The following WNK1 variants were observed in gnomAD, a reference collection of about 807,000 sequenced individuals.
WNK1 encodes WNK lysine deficient protein kinase 1.
Under a neutral mutation model 222.8 loss-of-function variants are expected in WNK1, and 38 were observed. The observed-to-expected ratio is 0.17, with a 90% CI of 0.13 to 0.22. WNK1 has a LOEUF of 0.22. Ranked by LOEUF, WNK1 falls within the 10% of genes least tolerant of loss-of-function variation. WNK1 has a pLI of 1.00. For missense variants in WNK1, 2,348 were observed against 2,918.4 expected, an observed-to-expected ratio of 0.80 and a Z score of 4.50; for synonymous variants, 1,090 against 1,092.9, an observed-to-expected ratio of 1.00 and a Z score of 0.05.
At chr12:792,513 A>G (rs998917525) in intron 1 of WNK1, among the ~76,000 whole-genome samples, 1 of 151,616 alleles carries the variant, frequency 6.6e-6, no homozygotes, top group African/African-American at 2.4e-5. Context: ...GTGGGGTTTC[A>G]CCATGTTGGC....
chr12:893,405 G>T (rs972492162), intron 22 of WNK1, among the ~76,000 whole-genome samples: 4 of 152,146 alleles, frequency 2.6e-5, no homozygotes, highest in Admixed American at 6.5e-5. Context: ...TGATCTCAAA[G>T]ATATAGAATT....
intron 6 of WNK1, 58 bp downstream of exon 6, chr12:859,522 A>G (rs1565531605): frequency 2.2e-6 from 3 of 1,384,158 alleles, no homozygotes; most frequent in Non-Finnish European, 3.0e-6. Flanking sequence ...CAATACTATC[A>G]TTAAGCAAAA....
At chr12:813,495 A>G in intron 1 of WNK1, 147 bp from the exon 2 acceptor site, 1 of 798,174 alleles carries the variant, frequency 1.3e-6, no homozygotes, top group Non-Finnish European at 2.0e-6. Flanking sequence ...AATGTATATA[A>G]TCCAAATCTA....
rs1565485685 is a variant in WNK1 at position 827,526 on chromosome 12, GT to G, written c.1153+266del. On this transcript the variant is annotated intron_variant, in intron 3 of 27. Transcript: ENST00000315939. This position sits in a 1 kb window ranked among gnomAD's most constrained non-coding sequence, Gnocchi z 4.6. Reference sequence around the variant, plus strand: ...ACCTAATGTAATAGCCTTTTTTGTTGTTGTTGTTGTTGTTGTTGTTGAGATG... The same window carrying G: ...ACCTAATGTAATAGCCTTTTTTGTTGTGTTGTTGTTGTTGTTGTTGAGATG... 1.1e-5 allele frequency: 5 copies of G among 465,636 alleles called. No individual in the cohort carries two copies. The highest frequency in any genetic ancestry group is 9.8e-5 in the African/African-American group (5 of 51,068). The allele number at this position is 465,636 out of a possible 1,614,324, so 28.8% of individuals were successfully genotyped here. A position where few individuals can be genotyped will look rare whatever the true frequency, so the allele number is the denominator to read the frequency against.
At chr12:813,127 T>A (rs979133115) in intron 1 of WNK1, among the ~76,000 whole-genome samples, 1 of 152,108 alleles carries the variant, frequency 6.6e-6, no homozygotes, top group South Asian at 2.1e-4. Context: ...CTAGCTACTC[T>A]GGAGGCTGAG....
intron 8 of WNK1, chr12:865,403 A>G: frequency 1.3e-6 from 2 of 1,515,674 alleles, no homozygotes; most frequent in Non-Finnish European, 1.8e-6. Context: ...AACAATTATT[A>G]CCAATGAATA....
At chr12:899,221 G>A (rs188447658) in intron 25 of WNK1, among the ~76,000 whole-genome samples, 4 of 152,274 alleles carry the variant, frequency 2.6e-5, no homozygotes, top group Admixed American at 2.6e-4. Context: ...AGCACATTAG[G>A]GCCAGTTCAT....
intron 1 of WNK1, among the ~76,000 whole-genome samples, chr12:784,086 T>C (rs113087148): frequency 0.024 from 2,347 of 98,666 alleles, no homozygotes; most frequent in Middle Eastern, 0.19. Flanking sequence ...CCAGGCACAG[T>C]GGCATGTGCC....
At chr12:877,000 GAA>G (rs1377971890) in intron 9 of WNK1, among the ~76,000 whole-genome samples, 1 of 137,254 alleles carries the variant, frequency 7.3e-6, no homozygotes, top group Non-Finnish European at 1.6e-5. Flanking sequence ...TTGTATTAAA[GAA>G]AAAATATAAA....
chr12:843,303 C>T (rs1467376398), intron 4 of WNK1, among the ~76,000 whole-genome samples: 1 of 151,994 alleles, frequency 6.6e-6, no homozygotes, highest in East Asian at 1.9e-4. Context: ...TATTGAGGAC[C>T]CCAAAGAGCT....
chr12:864,971 CA>C (rs11441896), intron 8 of WNK1: 184 of 997,616 alleles, frequency 1.8e-4, no homozygotes, highest in Middle Eastern at 2.6e-4. Context: ...TAGCTCTCCT[CA>C]AAAAAAAAAC....
chr12:799,729 G>C (rs1945691916), intron 1 of WNK1, among the ~76,000 whole-genome samples: 1 of 152,094 alleles, frequency 6.6e-6, no homozygotes, highest in African/African-American at 2.4e-5. Flanking sequence ...CTGTTGCCCA[G>C]GCTGGAGTGC....
At chr12:857,832 C>T (rs1487803506) in intron 5 of WNK1, among the ~76,000 whole-genome samples, 2 of 152,152 alleles carry the variant, frequency 1.3e-5, no homozygotes, top group African/African-American at 4.8e-5. Flanking sequence ...ATTCATCACC[C>T]GTCAGGCATG....
In WNK1 at chr12:883,312, A is replaced by T. The variant is rs1275067247; in HGVS notation, c.3490-83A>T. ...AAAATAAATAAAAATATAGGTAAGT[A>T]TGCAGATAGGACAGAAGTCATAAAA... On this transcript the variant is annotated intron_variant, in intron 15 of 27. Coordinates refer to ENST00000315939, the MANE Select transcript of WNK1 (RefSeq NM_018979.4). The T allele has an allele frequency of 2.7e-6, 4 of 1,470,512 alleles. No homozygotes were observed. In the African/African-American group the frequency reaches 5.6e-5, roughly 20 times the overall value. The allele number at this position is 1,470,512 out of a possible 1,614,324, so 91.1% of individuals were successfully genotyped here.
chr12:871,488 CAAA>C, intron 9 of WNK1, 140 bp downstream of exon 9: 1 of 785,048 alleles, frequency 1.3e-6, no homozygotes, highest in Non-Finnish European at 2.1e-6. Flanking sequence ...TGTTCAGTAA[CAAA>C]GAAAAAAAAG....
intron 24 of WNK1, among the ~76,000 whole-genome samples, 195 bp from the exon 25 acceptor site, chr12:897,284 T>G (rs923530352): frequency 6.6e-6 from 1 of 152,180 alleles, no homozygotes; most frequent in Non-Finnish European, 1.5e-5. Flanking sequence ...GGCTAGGAGC[T>G]TGTTGGAACA....
At chr12:855,054 T>C (rs1366181123) in intron 4 of WNK1, among the ~76,000 whole-genome samples, 1 of 152,252 alleles carries the variant, frequency 6.6e-6, no homozygotes, top group African/African-American at 2.4e-5. Context: ...AGTTTTTTAC[T>C]ATCAGAGAAT....
intron 4 of WNK1, among the ~76,000 whole-genome samples, chr12:844,890 C>CTT (rs11352734): frequency 0.015 from 1,224 of 80,406 alleles, no homozygotes; most frequent in African/African-American, 0.023. Context: ...TGTACCTTCT[C>CTT]TTTTTTTTTT....
chr12:798,444 G>C (rs534654777), intron 1 of WNK1, among the ~76,000 whole-genome samples: 6 of 152,060 alleles, frequency 3.9e-5, no homozygotes, highest in African/African-American at 1.4e-4. Context: ...TGCCCGCCTC[G>C]GCCTCCCAAA....
Sources: allele counts gnomAD v4.1 joint callset (sites outside exome capture counted in the v4.1 genomes callset), GRCh38; gene constraint gnomAD v4.1.1; non-coding constraint Gnocchi (gnomAD v3.1); transcripts MANE v1.5; gene names NCBI Gene and HGNC (gene_info 2026-07-23, HGNC 2026-07-21).